The following SGPP1 variants were observed in gnomAD, a reference collection of about 807,000 sequenced individuals.
The protein encoded by SGPP1 is hSPP1.
Under a neutral mutation model 33.0 loss-of-function variants are expected in SGPP1, and 21 were observed. The observed-to-expected ratio is 0.64, with a 90% confidence interval of 0.45 to 0.92. The LOEUF (loss-of-function observed/expected upper bound fraction) is 0.92, where lower values mean the gene tolerates loss of function less well. Among genes scored for constraint, SGPP1 ranks in the 40% least tolerant of loss-of-function variants. The pLI is 0.00. For missense variants in SGPP1, 543 were observed against 589.4 expected (o/e 0.92, Z 0.81); for synonymous variants, 239 against 241.2 (o/e 0.99, Z 0.08).
intron 1 of SGPP1, among the ~76,000 whole-genome samples, chr14:63,703,843 G>A (rs1440808758): frequency 6.9e-6 from 1 of 145,048 alleles, no homozygotes; most frequent in African/African-American, 2.6e-5. Flanking sequence ...TGGGGAGTGG[G>A]GTCTCGCTTT....
chr14:63,724,838 C>T (rs1338888953), intron 1 of SGPP1, among the ~76,000 whole-genome samples: 9 of 149,866 alleles, frequency 6.0e-5, no homozygotes, highest in Non-Finnish European at 1.3e-4. Flanking sequence ...GCCGAGATTG[C>T]GCCACAGCAC....
intron 2 of SGPP1, among the ~76,000 whole-genome samples, chr14:63,694,290 A>G (rs972143750): frequency 5.3e-5 from 8 of 152,058 alleles, no homozygotes; most frequent in Non-Finnish European, 8.8e-5. Flanking sequence ...GAAAAGAAAA[A>G]AAAAAAAGAA....
intron 1 of SGPP1, among the ~76,000 whole-genome samples, chr14:63,708,251 CTTT>C (rs36105615): frequency 4.7e-3 from 462 of 97,860 alleles, no homozygotes; most frequent in African/African-American, 0.019. Context: ...AGCAGCAATC[CTTT>C]TTTTTTTTTT....
intron 2 of SGPP1, among the ~76,000 whole-genome samples, chr14:63,695,904 T>C (rs1287651075): frequency 6.8e-6 from 1 of 146,958 alleles, no homozygotes; most frequent in African/African-American, 2.5e-5. Context: ...GAGCAAGACC[T>C]TGTCTCTAAA....
chr14:63,711,423 T>C (rs985361087), intron 1 of SGPP1, among the ~76,000 whole-genome samples: 1 of 152,160 alleles, frequency 6.6e-6, no homozygotes, highest in Non-Finnish European at 1.5e-5. Context: ...TATCTACATA[T>C]ACAAAGAAAA....
intron 2 of SGPP1, among the ~76,000 whole-genome samples, chr14:63,690,916 T>C (rs1008146965): frequency 6.6e-6 from 1 of 152,122 alleles, no homozygotes; most frequent in Non-Finnish European, 1.5e-5. Context: ...GGTTTCACCA[T>C]GTTGGGCAGG....
intron 1 of SGPP1, among the ~76,000 whole-genome samples, chr14:63,706,975 G>C (rs1194907664): frequency 6.9e-6 from 1 of 145,932 alleles, no homozygotes; most frequent in Non-Finnish European, 1.5e-5. Context: ...CATGGAGGCA[G>C]AGGTTGCAAT....
At chr14:63,698,007 G>A (rs977511196) in intron 2 of SGPP1, among the ~76,000 whole-genome samples, 8 of 152,218 alleles carry the variant, frequency 5.3e-5, no homozygotes, top group Non-Finnish European at 1.2e-4. Context: ...ATAGCGAGGA[G>A]GGAAAGTGAA....
intron 1 of SGPP1, among the ~76,000 whole-genome samples, chr14:63,726,705 C>G (rs1322474714): frequency 6.6e-6 from 1 of 152,122 alleles, no homozygotes; most frequent in Non-Finnish European, 1.5e-5. Flanking sequence ...CAGAACTCAC[C>G]CTGTGCTCCA....
chr14:63,724,915 G>A (rs1222861597), intron 1 of SGPP1, among the ~76,000 whole-genome samples: 1 of 151,192 alleles, frequency 6.6e-6, no homozygotes, highest in African/African-American at 2.4e-5. Flanking sequence ...CACTTGGGAG[G>A]CCAAGGAGGG....
intron 1 of SGPP1, among the ~76,000 whole-genome samples, chr14:63,718,977 CATATATATATATATATAT>C (rs1221455081): frequency 7.1e-3 from 192 of 26,962 alleles, no homozygotes; most frequent in African/African-American, 0.014. Context: ...TATGTATATA[CATATATATATATATATAT>C]ATATATATAT....
At chr14:63,714,046 T>G (rs915222899) in intron 1 of SGPP1, among the ~76,000 whole-genome samples, 15 of 152,258 alleles carry the variant, frequency 9.9e-5, no homozygotes, top group African/African-American at 3.4e-4. Context: ...GCCTTGGATG[T>G]TAGAACTCCA....
At chr14:63,711,212 C>G (rs113406905) in intron 1 of SGPP1, among the ~76,000 whole-genome samples, 13,595 of 151,922 alleles carry the variant, frequency 0.089, 1,317 homozygotes, top group African/African-American at 0.25. Flanking sequence ...ACGGGATTTC[C>G]ACATGTTGGC....
intron 2 of SGPP1, among the ~76,000 whole-genome samples, chr14:63,697,234 G>A (rs1380337010): frequency 1.3e-5 from 2 of 152,018 alleles, no homozygotes; most frequent in Admixed American, 6.6e-5. Flanking sequence ...AGCACACACT[G>A]CCTCCCAACA....
rs754467176 is a variant in SGPP1, at chr14:63,703,327, T to C, written c.685-4669A>G. 3.3e-5 allele frequency among the ~76,000 whole-genome samples: 5 copies of C among 152,036 alleles called. 1 individual carries two copies. In the South Asian group the frequency reaches 8.3e-4, roughly 25 times the overall value. On this transcript the variant is annotated intron_variant, in intron 1 of 2. Transcript: ENST00000247225. ...ACTAAGGAAGTGAAAGGTTTGTCCA[T>C]TGAAAACTATAAAACATTACTGAAA... is the stretch of plus-strand genomic sequence containing the variant.
intron 1 of SGPP1, among the ~76,000 whole-genome samples, chr14:63,716,324 T>A (rs1484697735): frequency 6.6e-6 from 1 of 151,832 alleles, no homozygotes. Flanking sequence ...TGAAACCCCA[T>A]CTCTACTAAA....
At chr14:63,720,350 G>A (rs1385774434) in intron 1 of SGPP1, among the ~76,000 whole-genome samples, 1 of 152,030 alleles carries the variant, frequency 6.6e-6, no homozygotes, top group East Asian at 1.9e-4. Context: ...AGGATGGATG[G>A]ATGGAAGGAA....
chr14:63,710,517 A>G (rs1566822867), intron 1 of SGPP1, among the ~76,000 whole-genome samples: 1 of 152,258 alleles, frequency 6.6e-6, no homozygotes, highest in Admixed American at 6.5e-5. Context: ...ATGCATTAAA[A>G]GGATAGACAG....
intron 2 of SGPP1, among the ~76,000 whole-genome samples, chr14:63,693,604 T>C (rs1368754685): frequency 6.6e-6 from 1 of 152,124 alleles, no homozygotes; most frequent in African/African-American, 2.4e-5. Flanking sequence ...GAAGTTAGCT[T>C]TTTATTAATT....
Sources: allele counts gnomAD v4.1 joint callset (sites outside exome capture counted in the v4.1 genomes callset), GRCh38; gene constraint gnomAD v4.1.1; transcripts MANE v1.5; gene names NCBI Gene and HGNC (gene_info 2026-07-23, HGNC 2026-07-21).